The following CHRNB3 variants were observed in gnomAD, a reference collection of about 807,000 sequenced individuals.
CHRNB3 encodes the protein neuronal acetylcholine receptor subunit beta-3.
In CHRNB3, 37 loss-of-function variants were observed where a neutral mutation model predicts 40.6. The ratio of observed to expected loss-of-function variants is 0.91; its 90% CI spans 0.70 to 1.20. CHRNB3 has a LOEUF of 1.20. Among genes scored for constraint, CHRNB3 ranks in the 50% most tolerant of loss-of-function variants. CHRNB3 has a pLI of 0.00. For synonymous variants in CHRNB3, 207 were observed against 207.1 expected (o/e 1.00, Z 0.00); for missense variants, 505 against 551.2 (o/e 0.92, Z 0.84).
chr8:42,727,954 A>G (rs1233785513), intron 3 of CHRNB3, among the ~76,000 whole-genome samples: 2 of 152,228 alleles, frequency 1.3e-5, no homozygotes, highest in Non-Finnish European at 2.9e-5. Context: ...TTTCTTAGAT[A>G]TGACACAATC....
At chr8:42,717,974 A>C (rs1166307295) in intron 3 of CHRNB3, among the ~76,000 whole-genome samples, 1 of 151,812 alleles carries the variant, frequency 6.6e-6, no homozygotes, top group African/African-American at 2.4e-5. Context: ...CTGTGATTAC[A>C]GGCATGTGCC....
intron 4 of CHRNB3, 27 bp from the exon 5 acceptor site, chr8:42,731,640 G>A: frequency 6.4e-7 from 1 of 1,561,752 alleles, no homozygotes; most frequent in Non-Finnish European, 8.6e-7. Context: ...TCCACCGACT[G>A]CTAAGGTGAA....
intron 3 of CHRNB3, among the ~76,000 whole-genome samples, chr8:42,716,021 C>CA (rs1379174956): frequency 4.7e-5 from 7 of 149,946 alleles, no homozygotes; most frequent in African/African-American, 1.7e-4. Context: ...CTCTGTCACC[C>CA]AGGCTGGAGC....
rs1194090604 is a variant in CHRNB3, at chr8:42,698,667, T to C, written c.52+1069T>C. Among the ~76,000 whole-genome samples the C allele has an allele frequency of 2.0e-5, 3 of 152,248 alleles. No homozygotes were observed. The East Asian group carries it at 5.8e-4, about 29-fold the overall frequency. On this transcript the variant is annotated intron_variant, in intron 1 of 5. Coordinates refer to ENST00000289957, the MANE Select transcript of CHRNB3 (RefSeq NM_000749.5). ...ACTCACTTTCAAATATCATGAAATTTGGACTTTTCAAAGTCTTGAATGCAG... is the reference window on the plus strand; with the variant it reads ...ACTCACTTTCAAATATCATGAAATTCGGACTTTTCAAAGTCTTGAATGCAG...
intron 3 of CHRNB3, among the ~76,000 whole-genome samples, chr8:42,723,022 C>T (rs533374713): frequency 2.3e-4 from 34 of 150,664 alleles, no homozygotes; most frequent in African/African-American, 7.6e-4. Flanking sequence ...ACTAAAATAT[C>T]GTAATAAGAT....
chr8:42,709,985 C>A (rs1815986389), intron 2 of CHRNB3, among the ~76,000 whole-genome samples: 1 of 152,144 alleles, frequency 6.6e-6, no homozygotes, highest in Admixed American at 6.6e-5. Context: ...GTAAATATAG[C>A]CACAATGAAC....
chr8:42,735,539 GCAAAA>G (rs377595318), intron 5 of CHRNB3, among the ~76,000 whole-genome samples: 5 of 152,120 alleles, frequency 3.3e-5, no homozygotes, highest in African/African-American at 9.6e-5. Context: ...TCTCAAAAAA[GCAAAA>G]CAAAACAAAA....
Position 42,707,876 on chromosome 8 carries a change from G to C in CHRNB3, c.53-841G>C, listed in dbSNP as rs75431302. On this transcript the variant is annotated intron_variant, in intron 1 of 5. Transcript: ENST00000289957. Reference sequence around the variant, plus strand: ...CACACATAAAATGAACACCCACTATGGGCCAGGCACTGTTCTAGGTGCTGG... The same window carrying C: ...CACACATAAAATGAACACCCACTATCGGCCAGGCACTGTTCTAGGTGCTGG... Among the ~76,000 whole-genome samples the C allele has an allele frequency of 7.6e-3, 1,161 of 152,356 alleles. 18 individuals carry two copies. The highest frequency in any genetic ancestry group is 0.026 in the African/African-American group (1,101 of 41,578).
chr8:42,725,932 C>G, intron 3 of CHRNB3: 1 of 915,540 alleles, frequency 1.1e-6, no homozygotes. Context: ...CACCAGTAAA[C>G]TCACGCCATC....
chr8:42,726,856 AAAC>A (rs762466314), intron 3 of CHRNB3, among the ~76,000 whole-genome samples: 20 of 152,278 alleles, frequency 1.3e-4, no homozygotes, highest in African/African-American at 4.3e-4. Flanking sequence ...AACACTAACA[AAAC>A]AACAACAACA....
intron 3 of CHRNB3, among the ~76,000 whole-genome samples, chr8:42,716,616 G>A (rs184831113): frequency 1.3e-5 from 2 of 152,222 alleles, no homozygotes; most frequent in African/African-American, 2.4e-5. Context: ...ATGTCTAGGT[G>A]GGTGGTAACT....
chr8:42,730,688 T>C lies in CHRNB3; in HGVS notation c.344T>C (p.Ile115Thr). The C allele has an allele frequency of 6.3e-7, 1 of 1,593,288 alleles. No homozygotes were observed. Among genetic ancestry groups the C allele is most frequent in the Non-Finnish European group, 8.6e-7 (1 of 1,164,898 alleles). The change falls in exon 4 of 6, where the codon ATA (isoleucine) becomes ACA (threonine). Residue 115 changes from isoleucine to threonine, a missense_variant. Physicochemically the swap from Ile to Thr is moderately conservative, Grantham distance 89. Coordinates refer to ENST00000289957, the MANE Select transcript of CHRNB3 (RefSeq NM_000749.5). ...TCAGAATCTCTGTGGCTTCCTGACA[T>C]AGTTCTCTTTGAAAAGTAAGTATCA... is the stretch of plus-strand genomic sequence containing the variant. Reference protein sequence around the residue: ...VPSESLWLPDIVLFENADGRF... With the variant: ...VPSESLWLPDTVLFENADGRF...
In CHRNB3 at chr8:42,708,673, G is replaced by A. The variant is rs747432407; in HGVS notation, c.53-44G>A. On this transcript the variant is annotated intron_variant, in intron 1 of 5. Coordinates refer to ENST00000289957, the MANE Select transcript of CHRNB3 (RefSeq NM_000749.5). The stretch of plus-strand genomic sequence containing the variant: ...GCCATGGGACACTCATCCAGGCATC[G>A]TGCCCCTCCCATTAACCCAGGTCCA... 94 of 1,601,522 alleles carry A rather than the reference G, an allele frequency of 5.9e-5. 1 individual carries two copies. The highest frequency in any genetic ancestry group is 3.3e-4 in the East Asian group (15 of 44,808).
At chr8:42,725,645 C>A (rs1407569401) in intron 3 of CHRNB3, 5 of 1,111,946 alleles carry the variant, frequency 4.5e-6, no homozygotes, top group Admixed American at 1.7e-5. Context: ...GCATGACGGG[C>A]CACTGAGAGG....
intron 3 of CHRNB3, among the ~76,000 whole-genome samples, chr8:42,726,660 G>T (rs541803263): frequency 6.6e-6 from 1 of 151,976 alleles, no homozygotes; most frequent in African/African-American, 2.4e-5. Flanking sequence ...CATCATGCCC[G>T]GCTAATTTTT....
intron 3 of CHRNB3, among the ~76,000 whole-genome samples, chr8:42,724,820 A>C (rs543064418): frequency 6.6e-6 from 1 of 151,328 alleles, no homozygotes; most frequent in Admixed American, 6.6e-5. Flanking sequence ...CTCTACTAAA[A>C]ATACAAAAAA....
rs1230364792 is a variant in CHRNB3, at chr8:42,736,817, G to A, written c.*199G>A. The A allele has an allele frequency of 1.4e-5, 9 of 654,340 alleles. No individual in the cohort carries two copies. In the South Asian group the frequency reaches 1.8e-4, roughly 13 times the overall value. 40.5% of individuals were successfully genotyped at this position (654,340 alleles called of 1,614,324 possible). On this transcript the variant is annotated 3_prime_UTR_variant, in exon 6 of 6. Transcript: ENST00000289957. ...TGAGAGTGAGCTGCTTTTAAAGAAA[G>A]TGGAGCCTCCTCAGACCCCTGCCTT...
chr8:42,725,790 A>G (rs1300095500), intron 3 of CHRNB3: 8 of 887,292 alleles, frequency 9.0e-6, no homozygotes, highest in Non-Finnish European at 1.5e-5. Flanking sequence ...GTTCCCAGAC[A>G]GACTTCAGAT....
rs961333998 is a variant in CHRNB3, at chr8:42,697,465, T to C, written c.-82T>C. On this transcript the variant is annotated 5_prime_UTR_variant, in exon 1 of 6. Coordinates refer to ENST00000289957, the MANE Select transcript of CHRNB3 (RefSeq NM_000749.5). ...CACTTCGGATTTTGAACCCCTGTAT[T>C]TTCTTTTCAAAACCCCCTTTTCCAG... 1 of 1,276,552 alleles carries C rather than the reference T, an allele frequency of 7.8e-7. No homozygotes were observed. The highest frequency in any genetic ancestry group is 1.5e-5 in the African/African-American group (1 of 68,322). The allele number at this position is 1,276,552 out of a possible 1,614,324, so 79.1% of individuals were successfully genotyped here.
Sources: allele counts gnomAD v4.1 joint callset (sites outside exome capture counted in the v4.1 genomes callset), GRCh38; gene constraint gnomAD v4.1.1; transcripts MANE v1.5; gene names NCBI Gene and HGNC (gene_info 2026-07-23, HGNC 2026-07-21).